MIS18A: variants seen among roughly 807,000 people sequenced by gnomAD.
The protein encoded by MIS18A is protein Mis18-alpha.
Under a neutral mutation model 25.0 loss-of-function variants are expected in MIS18A, and 14 were observed. The observed-to-expected ratio is 0.56, with a 90% CI of 0.37 to 0.88. The LOEUF (loss-of-function observed/expected upper bound fraction) is 0.88, where lower values mean the gene tolerates loss of function less well. MIS18A is among the 40% of genes least tolerant of loss of function. The probability of loss-of-function intolerance (pLI) is 0.00; values close to 1 mark genes in which losing one functional copy is unlikely to be tolerated. For missense variants in MIS18A, 292 were observed against 290.8 expected, an observed-to-expected ratio of 1.00 and a Z score of -0.03; for synonymous variants, 134 against 118.6, an observed-to-expected ratio of 1.13 and a Z score of -0.84.
At chr21:32,266,212 G>A (rs1293989944), downstream of MIS18A, among the ~76,000 whole-genome samples, 2 of 152,196 alleles carry the variant, frequency 1.3e-5, no homozygotes, top group Admixed American at 1.3e-4. Context: ...GGGCCTTGGA[G>A]AACCTGTGTG....
chr21:32,252,128 G>A, the MIS18A span, among the ~76,000 whole-genome samples: 3 of 151,926 alleles, frequency 2.0e-5, no homozygotes, highest in African/African-American at 4.8e-5. Context: ...TGACACTGCA[G>A]TGAACTAAGA....
chr21:32,262,932 T>C, the MIS18A span, among the ~76,000 whole-genome samples: 1 of 152,142 alleles, frequency 6.6e-6, no homozygotes, highest in Non-Finnish European at 1.5e-5. Context: ...TAAACAGGTG[T>C]GACTATCCCA....
At chr21:32,275,142 G>A (rs941663331) in intron 1 of MIS18A, among the ~76,000 whole-genome samples, 4 of 152,172 alleles carry the variant, frequency 2.6e-5, no homozygotes, top group Admixed American at 2.6e-4. Flanking sequence ...GGGAGGCCAA[G>A]GTGAGAGAAT....
At chr21:32,270,123 G>A (rs111676291) in intron 3 of MIS18A, among the ~76,000 whole-genome samples, 24 of 152,082 alleles carry the variant, frequency 1.6e-4, no homozygotes, top group African/African-American at 5.5e-4. Flanking sequence ...TGGGGGCAGG[G>A]GGCAATATCC....
the MIS18A span, among the ~76,000 whole-genome samples, chr21:32,164,013 C>A: frequency 0.066 from 10,056 of 152,014 alleles, 438 homozygotes; most frequent in African/African-American, 0.12. Flanking sequence ...GAGGAGGTGC[C>A]AGGCTCTTTT....
At chr21:32,168,738 T>C in the MIS18A span, among the ~76,000 whole-genome samples, 1 of 152,122 alleles carries the variant, frequency 6.6e-6, no homozygotes, top group Non-Finnish European at 1.5e-5. Context: ...TGAAAAAATA[T>C]GCATGTAACT....
the MIS18A span, among the ~76,000 whole-genome samples, chr21:32,188,690 C>T: frequency 1.3e-5 from 2 of 152,098 alleles, no homozygotes; most frequent in African/African-American, 2.4e-5. Context: ...GAAATACATG[C>T]AGATAACTAA....
rs1330715090 is a variant in MIS18A at position 32,273,187 on chromosome 21, C to T, written c.401+1643G>A. Among the ~76,000 whole-genome samples, 13 of 151,170 alleles carry T rather than the reference C, an allele frequency of 8.6e-5. No individual in the cohort carries two copies. The South Asian group carries it at 1.3e-3, about 15-fold the overall frequency. ...GTTACAGAAGGGGGACACAGAGCTT[C>T]CAAGACCTTTCTAGGTACACCACCC... On this transcript the variant is annotated intron_variant, in intron 2 of 4. Coordinates refer to ENST00000290130, the MANE Select transcript of MIS18A (RefSeq NM_018944.3).
chr21:32,210,517 G>A, the MIS18A span, among the ~76,000 whole-genome samples: 1 of 152,130 alleles, frequency 6.6e-6, no homozygotes. Context: ...CTGACGGTGT[G>A]CATCAGATGG....
chr21:32,196,532 C>G, the MIS18A span, among the ~76,000 whole-genome samples: 6 of 150,676 alleles, frequency 4.0e-5, no homozygotes, highest in African/African-American at 1.5e-4. Context: ...ACAATCTCGG[C>G]TCACTGCAAC....
rs546358723 is a variant in MIS18A at position 32,268,245 on chromosome 21, T to G, written c.*792A>C. ...TAAAGCACTTTGTTTTAATCTTTAT[T>G]CTCTTCAATTAGAAAAATACATACT... On this transcript the variant is annotated 3_prime_UTR_variant, in exon 5 of 5. Coordinates refer to ENST00000290130, the MANE Select transcript of MIS18A (RefSeq NM_018944.3). 6 of 152,290 alleles carry G rather than the reference T, an allele frequency of 3.9e-5. No homozygotes were observed. The South Asian group carries it at 1.2e-3, about 32-fold the overall frequency. The allele number at this position is 152,290 out of a possible 1,614,324, so 9.4% of individuals were successfully genotyped here.
At chr21:32,258,712 G>T in the MIS18A span, among the ~76,000 whole-genome samples, 1 of 152,134 alleles carries the variant, frequency 6.6e-6, no homozygotes, top group Non-Finnish European at 1.5e-5. Context: ...CAAGAAAGCC[G>T]GGAAGAACTG....
chr21:32,157,198 A>G, the MIS18A span, among the ~76,000 whole-genome samples: 4 of 143,926 alleles, frequency 2.8e-5, no homozygotes, highest in Non-Finnish European at 6.0e-5. Flanking sequence ...TGGGATTACC[A>G]GGCACCCGCC....
At chr21:32,201,321 T>G in the MIS18A span, among the ~76,000 whole-genome samples, 2 of 149,612 alleles carry the variant, frequency 1.3e-5, no homozygotes, top group Admixed American at 6.7e-5. Context: ...AGGAACCAGG[T>G]GGAAAAAAAA....
At chr21:32,254,185 C>T in the MIS18A span, among the ~76,000 whole-genome samples, 2 of 147,092 alleles carry the variant, frequency 1.4e-5, no homozygotes, top group African/African-American at 2.5e-5. Context: ...GAGCCAAGAT[C>T]ATGCCACTGC....
the MIS18A span, among the ~76,000 whole-genome samples, chr21:32,191,956 G>GAAA: frequency 6.6e-6 from 1 of 151,950 alleles, no homozygotes; most frequent in South Asian, 2.1e-4. Context: ...AAGAAAGAAA[G>GAAA]AAAATTATCT....
At chr21:32,208,184 A>G in the MIS18A span, among the ~76,000 whole-genome samples, 1 of 152,134 alleles carries the variant, frequency 6.6e-6, no homozygotes, top group Admixed American at 6.5e-5. Context: ...ACTGCAGACA[A>G]ACATTTCTGT....
At chr21:32,210,598 T>C in the MIS18A span, among the ~76,000 whole-genome samples, 1 of 152,264 alleles carries the variant, frequency 6.6e-6, no homozygotes, top group East Asian at 1.9e-4. Flanking sequence ...CTTTATGATG[T>C]CATGAGCACA....
chr21:32,246,803 G>C, the MIS18A span, among the ~76,000 whole-genome samples: 2 of 152,228 alleles, frequency 1.3e-5, no homozygotes, highest in African/African-American at 4.8e-5. Context: ...GTCTGCCAGA[G>C]CGGGAGCTGG....
Sources: allele counts gnomAD v4.1 joint callset (sites outside exome capture counted in the v4.1 genomes callset), GRCh38; gene constraint gnomAD v4.1.1; transcripts MANE v1.5; gene names NCBI Gene and HGNC (gene_info 2026-07-23, HGNC 2026-07-21).